The following DYNC1H1 variants were observed in gnomAD, a reference collection of about 807,000 sequenced individuals.
DYNC1H1 encodes cytoplasmic dynein 1 heavy chain 1.
DYNC1H1 carries 51 observed loss-of-function variants against 527.1 expected under a neutral mutation model. The ratio of observed to expected loss-of-function variants is 0.10; its 90% CI spans 0.08 to 0.12. DYNC1H1 has a LOEUF of 0.12. Ranked by LOEUF, DYNC1H1 falls within the 10% of genes least tolerant of loss-of-function variation. The pLI, the probability that DYNC1H1 is intolerant of heterozygous loss-of-function variation, is 1.00. For synonymous variants in DYNC1H1, 2,189 were observed against 2,278.8 expected (o/e 0.96, Z 1.12); for missense variants, 2,771 against 5,971.8 (o/e 0.46, Z 17.66).
In DYNC1H1 at chr14:102,033,797, G is replaced by T; in HGVS notation, c.10414-179G>T. 1.4e-6 allele frequency: 1 copy of T among 733,776 alleles called. No individual in the cohort carries two copies. Among genetic ancestry groups the T allele is most frequent in the African/African-American group, 1.7e-5 (1 of 57,396 alleles). 45.5% of individuals were successfully genotyped at this position (733,776 alleles called of 1,614,324 possible). On this transcript the variant is annotated intron_variant, in intron 54 of 77. Coordinates refer to ENST00000360184, the MANE Select transcript of DYNC1H1 (RefSeq NM_001376.5). The surrounding 1 kb of genome is among the most constrained non-coding windows in gnomAD (Gnocchi z 5.6). ...TTCTGCCCCGCTGAGATTCTGAGTC[G>T]TGTGTGGTCATTAGTTATATATGAT...
chr14:102,016,305 G>T lies in DYNC1H1; in HGVS notation c.7474-44G>T, dbSNP rs1447063887. On this transcript the variant is annotated intron_variant, in intron 36 of 77. Coordinates refer to ENST00000360184, the MANE Select transcript of DYNC1H1 (RefSeq NM_001376.5). This position sits in a 1 kb window ranked among gnomAD's most constrained non-coding sequence, Gnocchi z 7.3. ...TTGCTGTAAGTGTCTTTCTTTTGTT[G>T]TTGAAATTTTATAAAAATCAAAGTT... 26 of 1,611,588 alleles carry T rather than the reference G, an allele frequency of 1.6e-5. No homozygotes were observed. The highest frequency in any genetic ancestry group is 1.7e-4 in the Middle Eastern group (1 of 5,990).
chr14:102,017,397 A>G lies in DYNC1H1; in HGVS notation c.8070A>G (p.Gly2690=), dbSNP rs749004964. 1 of 1,614,058 alleles carries G rather than the reference A, an allele frequency of 6.2e-7. No homozygotes were observed. Among genetic ancestry groups the G allele is most frequent in the African/African-American group, 1.3e-5 (1 of 74,914 alleles). The change falls in exon 40 of 78, where the codon GGA becomes GGG. Residue 2690 remains glycine (G), a synonymous_variant. Coordinates refer to ENST00000360184, the MANE Select transcript of DYNC1H1 (RefSeq NM_001376.5). This position sits in a 1 kb window ranked among gnomAD's most constrained non-coding sequence, Gnocchi z 4.6. The part of the protein sequence containing the change: ...ISFIRQMVEH[G]GFYRTSDQTW... The stretch of plus-strand genomic sequence containing the variant: ...CCTTCCTTCAGATGGTGGAGCACGG[A>G]GGCTTTTACCGTACCTCAGATCAAA...
chr14:102,031,792 T>TA (rs929080992), intron 51 of DYNC1H1, among the ~76,000 whole-genome samples: 18 of 152,156 alleles, frequency 1.2e-4, no homozygotes, highest in African/African-American at 4.1e-4. Flanking sequence ...CCGTCTCTAC[T>TA]AAAAATAGGA....
Position 102,048,675 on chromosome 14 carries a change from T to C in DYNC1H1, c.13372+6T>C. ...GATCAACGAGCTAGTGAAAGGTGCG[T>C]GAGAGGCCGAACTCGTGGTGTGGCT... On this transcript the variant is annotated splice_donor_region_variant and intron_variant, in intron 74 of 77. Coordinates refer to ENST00000360184, the MANE Select transcript of DYNC1H1 (RefSeq NM_001376.5). 1 of 1,612,298 alleles carries C rather than the reference T, an allele frequency of 6.2e-7. No individual in the cohort carries two copies. Among genetic ancestry groups the C allele is most frequent in the African/African-American group, 1.3e-5 (1 of 74,986 alleles).
intron 56 of DYNC1H1, chr14:102,035,433 G>A (rs1343280662): frequency 6.6e-6 from 1 of 152,290 alleles, no homozygotes; most frequent in African/African-American, 2.4e-5. Context: ...GTCTCACCGG[G>A]TGGTGCCAGC....
rs756778671 is a variant in DYNC1H1, at chr14:102,010,997, T to C, written c.6618+45T>C. 2 of 1,601,838 alleles carry C rather than the reference T, an allele frequency of 1.2e-6. No individual in the cohort carries two copies. Among genetic ancestry groups the C allele is most frequent in the Non-Finnish European group, 8.6e-7 (1 of 1,169,144 alleles). ...TGGCCACTGCCCTCACAGACCCTGC[T>C]GGCTTTAGTGTCTGGTAATGACAAC... On this transcript the variant is annotated intron_variant, in intron 32 of 77. Transcript: ENST00000360184. The surrounding 1 kb of genome is among the most constrained non-coding windows in gnomAD (Gnocchi z 6.0).
In DYNC1H1 at chr14:102,054,897, T is replaced by G. The variant is rs2048860132; in HGVS notation, c.*4334T>G. 6.6e-6 allele frequency: 1 copy of G among 151,942 alleles called. No homozygotes were observed. The highest frequency in any genetic ancestry group is 1.5e-5 in the Non-Finnish European group (1 of 68,128). The allele number at this position is 151,942 out of a possible 1,614,324, so 9.4% of individuals were successfully genotyped here. A position where few individuals can be genotyped will look rare whatever the true frequency, so the allele number is the denominator to read the frequency against. The stretch of plus-strand genomic sequence containing the variant: ...TTGTATTTTTTTGTAGAGACAGGGT[T>G]TTGCCATGTTGCCCAGGCTGGTCTC... On this transcript the variant is annotated 3_prime_UTR_variant, in exon 78 of 78. Transcript: ENST00000360184.
chr14:102,006,474 C>G (rs1459650948), intron 27 of DYNC1H1, among the ~76,000 whole-genome samples: 1 of 151,662 alleles, frequency 6.6e-6, no homozygotes, highest in Non-Finnish European at 1.5e-5. Context: ...ACCTGGTGAC[C>G]CCCTCACCTT....
In DYNC1H1 at chr14:102,005,851, G is replaced by C; in HGVS notation, c.5434-37G>C. On this transcript the variant is annotated intron_variant, in intron 26 of 77. Transcript: ENST00000360184. The surrounding 1 kb of genome is among the most constrained non-coding windows in gnomAD (Gnocchi z 4.0). ...CCGGAGAATGCACTGTATTGCTTTA[G>C]TGTAGATGAACTTTTAAAGTGACTC... The C allele has an allele frequency of 6.2e-7, 1 of 1,613,576 alleles. No individual in the cohort carries two copies.
intron 1 of DYNC1H1, among the ~76,000 whole-genome samples, chr14:101,966,410 T>TA (rs71468379): frequency 0.16 from 23,531 of 146,288 alleles, 2,188 homozygotes; most frequent in African/African-American, 0.26. Context: ...CCACAAAAGT[T>TA]AAAAAAAAAA....
At position 102,001,242 on chromosome 14, in the gene DYNC1H1, A is replaced by T. The variant is rs1455776554; in HGVS notation, c.4283A>T (p.Glu1428Val). Residue 1428 changes from glutamate to valine, a missense_variant, in exon 20 of 78, where the codon GAG (glutamate) becomes GTG (valine). By Grantham distance (121) the Glu-to-Val change is moderately radical. Around this residue, in one of 32 missense-constraint regions of DYNC1H1, gnomAD observed 223 missense variants for 462.5 expected, o/e 0.48. Transcript: ENST00000360184. The surrounding 1 kb of genome is among the most constrained non-coding windows in gnomAD (Gnocchi z 5.0). Reference sequence around the variant, plus strand: ...CTTCACGTTAATTGGGTTGTTTCTGAGCTAACCCTTGGCCAAATCTGGGAT... The same window carrying T: ...CTTCACGTTAATTGGGTTGTTTCTGTGCTAACCCTTGGCCAAATCTGGGAT... ...KRLHVNWVVS[E>V]LTLGQIWDVD... is the part of the protein sequence containing the mutation. The T allele has an allele frequency of 6.2e-7, 1 of 1,614,256 alleles. No individual in the cohort carries two copies.
At chr14:102,030,065 TG>T (rs2048493824) in intron 50 of DYNC1H1, 96 bp from the exon 51 acceptor site, 2 of 1,605,258 alleles carry the variant, frequency 1.2e-6, no homozygotes, top group African/African-American at 2.7e-5. Context: ...AGAGTGTGTG[TG>T]TGTGTGTGTG....
At position 102,055,870 on chromosome 14, in the gene DYNC1H1, C is replaced by G. The variant is rs1025811311; in HGVS notation, c.*5307C>G. On this transcript the variant is annotated 3_prime_UTR_variant, in exon 78 of 78. Coordinates refer to ENST00000360184, the MANE Select transcript of DYNC1H1 (RefSeq NM_001376.5). ...CTGGGCCCCGCTATTCCATCTCAAT[C>G]TCTGCCCTGGCCCCCAGCCCAGCAT... 21 of 152,568 alleles carry G rather than the reference C, an allele frequency of 1.4e-4. No homozygotes were observed. Among genetic ancestry groups the G allele is most frequent in the African/African-American group, 3.6e-4 (15 of 41,582 alleles). The allele number at this position is 152,568 out of a possible 1,614,324, so 9.5% of individuals were successfully genotyped here.
At chr14:101,981,124 A>T (rs1264403020) in intron 5 of DYNC1H1, among the ~76,000 whole-genome samples, 1 of 151,830 alleles carries the variant, frequency 6.6e-6, no homozygotes, top group Non-Finnish European at 1.5e-5. Context: ...TAAAATTTTT[A>T]AAATTTATTT....
chr14:101,986,819 C>T lies in DYNC1H1; in HGVS notation c.2538+56C>T, dbSNP rs1566999471. The T allele has an allele frequency of 7.5e-6, 12 of 1,594,138 alleles. No individual in the cohort carries two copies. Among genetic ancestry groups the T allele is most frequent in the East Asian group, 6.7e-5 (3 of 44,790 alleles). ...GGTAACGAATGAAGCACAGTAATAG[C>T]GAGCTCAGTTAAAACACTAGTTCTC... is the stretch of plus-strand genomic sequence containing the variant. On this transcript the variant is annotated intron_variant, in intron 8 of 77. Transcript: ENST00000360184. The surrounding 1 kb of genome is among the most constrained non-coding windows in gnomAD (Gnocchi z 8.7).
intron 1 of DYNC1H1, chr14:101,969,675 G>A (rs1454512368): frequency 6.6e-6 from 1 of 152,298 alleles, no homozygotes; most frequent in Non-Finnish European, 1.5e-5. Context: ...TCTGCACTCA[G>A]TGGTATCCGC....
At chr14:102,021,965 A>C (rs1435957872) in intron 42 of DYNC1H1, among the ~76,000 whole-genome samples, 2 of 152,024 alleles carry the variant, frequency 1.3e-5, no homozygotes, top group Non-Finnish European at 2.9e-5. Context: ...GCGAAACCCC[A>C]TCTCTACTAA....
rs930797389 is a variant in DYNC1H1 at position 101,965,836 on chromosome 14, C to T, written c.256+889C>T. 1.3e-5 allele frequency among the ~76,000 whole-genome samples: 2 copies of T among 151,028 alleles called. No individual in the cohort carries two copies. The highest frequency in any genetic ancestry group is 1.3e-4 in the Admixed American group (2 of 15,162). The stretch of plus-strand genomic sequence containing the variant: ...CAGATTAAAAAAAAAAAAAAAGATT[C>T]AGGTTAGGCACCTAGTAGGGGGAAG... On this transcript the variant is annotated intron_variant, in intron 1 of 77. Transcript: ENST00000360184. This position sits in a 1 kb window ranked among gnomAD's most constrained non-coding sequence, Gnocchi z 4.1.
chr14:101,981,592 T>C (rs1325520746), intron 5 of DYNC1H1, among the ~76,000 whole-genome samples: 4 of 152,262 alleles, frequency 2.6e-5, no homozygotes, highest in Non-Finnish European at 5.9e-5. Context: ...ATAGCAGTTG[T>C]CATGTTCTCA....
Sources: gnomAD v4.1 joint callset for allele counts (sites outside exome capture counted in the v4.1 genomes callset) on GRCh38, gnomAD v4.1.1 for gene constraint, gnomAD v4.1.1 regional missense constraint, Gnocchi (gnomAD v3.1) non-coding constraint, MANE v1.5 for transcripts, NCBI Gene and HGNC (gene_info 2026-07-23, HGNC 2026-07-21) for gene names.